The following B3GALT1 variants were observed in gnomAD, a reference collection of about 807,000 sequenced individuals.
B3GALT1 encodes the protein beta-1,3-galactosyltransferase 1.
Under a neutral mutation model 23.2 loss-of-function variants are expected in B3GALT1, and 10 were observed. The observed-to-expected ratio is 0.43, with a 90% confidence interval of 0.27 to 0.73. The LOEUF is 0.73. Ranked by LOEUF, B3GALT1 falls within the 30% of genes least tolerant of loss-of-function variation. The probability of loss-of-function intolerance (pLI) is 0.21; values close to 1 mark genes in which losing one functional copy is unlikely to be tolerated. For missense variants in B3GALT1, 299 were observed against 405.4 expected, an observed-to-expected ratio of 0.74 and a Z score of 2.25; for synonymous variants, 156 against 141.5, an observed-to-expected ratio of 1.10 and a Z score of -0.73.
intron 2 of B3GALT1, among the ~76,000 whole-genome samples, chr2:167,620,523 T>G (rs1685236598): frequency 6.6e-6 from 1 of 152,088 alleles, no homozygotes; most frequent in Non-Finnish European, 1.5e-5. Flanking sequence ...TTTGCAAATT[T>G]TATATTTATA....
intron 2 of B3GALT1, among the ~76,000 whole-genome samples, chr2:167,547,964 A>T (rs368744544): frequency 6.6e-6 from 1 of 152,208 alleles, no homozygotes; most frequent in East Asian, 1.9e-4. Flanking sequence ...TGACTCTGGG[A>T]TTCTAAACCT....
intron 2 of B3GALT1, among the ~76,000 whole-genome samples, chr2:167,490,667 C>T (rs886654315): frequency 6.6e-6 from 1 of 152,202 alleles, no homozygotes; most frequent in Non-Finnish European, 1.5e-5. Flanking sequence ...TGCTGAGCAG[C>T]TCCAGGGCTG....
chr2:167,413,784 A>AG (rs1435801621), intron 1 of B3GALT1, among the ~76,000 whole-genome samples: 1 of 151,712 alleles, frequency 6.6e-6, no homozygotes, highest in Admixed American at 6.6e-5. Flanking sequence ...CTGTTTTATT[A>AG]GGTTTTTTTC....
Position 167,674,045 on chromosome 2 carries a change from A to G in B3GALT1, c.-352+27079A>G, listed in dbSNP as rs557444017. The stretch of plus-strand genomic sequence containing the variant: ...TCATGCAAATTGTTATTTTAATTAA[A>G]TACACAACCATAGTAAATTGCAACA... On this transcript the variant is annotated intron_variant, in intron 3 of 4. Transcript: ENST00000392690. Among the ~76,000 whole-genome samples, 24 of 152,278 alleles carry G rather than the reference A, an allele frequency of 1.6e-4. No individual in the cohort carries two copies. In the South Asian group the frequency reaches 4.6e-3, roughly 29 times the overall value.
chr2:167,631,608 T>C (rs2105447521), intron 2 of B3GALT1: 1 of 151,762 alleles, frequency 6.6e-6, no homozygotes, highest in African/African-American at 2.4e-5. Context: ...ACAGATTGTT[T>C]AAATAGTCAT....
At chr2:167,345,203 A>G (rs1186560544) in intron 1 of B3GALT1, among the ~76,000 whole-genome samples, 1 of 151,878 alleles carries the variant, frequency 6.6e-6, no homozygotes, top group African/African-American at 2.4e-5. Context: ...GGATTTTTCT[A>G]TAAGTTGGCC....
At chr2:167,720,499 G>A (rs758931993) in intron 3 of B3GALT1, among the ~76,000 whole-genome samples, 5 of 152,068 alleles carry the variant, frequency 3.3e-5, no homozygotes, top group Non-Finnish European at 5.9e-5. Context: ...AAAGTAACAC[G>A]GTCACACAAC....
chr2:167,822,715 C>T (rs1445855969), intron 4 of B3GALT1, among the ~76,000 whole-genome samples: 1 of 152,150 alleles, frequency 6.6e-6, no homozygotes, highest in African/African-American at 2.4e-5. Flanking sequence ...GCCATCTCTT[C>T]CTATCAAGGA....
intron 1 of B3GALT1, among the ~76,000 whole-genome samples, chr2:167,346,655 G>A (rs914361773): frequency 5.9e-5 from 9 of 152,028 alleles, no homozygotes; most frequent in Admixed American, 2.0e-4. Context: ...TCAGTATCTT[G>A]AGGGTCCATT....
intron 3 of B3GALT1, among the ~76,000 whole-genome samples, chr2:167,703,582 G>A (rs957469595): frequency 3.3e-5 from 5 of 152,178 alleles, no homozygotes; most frequent in African/African-American, 1.2e-4. Flanking sequence ...CTGGCTACAA[G>A]TCATTTTAAG....
Position 167,714,826 on chromosome 2 carries a change from C to A in B3GALT1, c.-352+67860C>A, listed in dbSNP as rs1362545032. On this transcript the variant is annotated intron_variant, in intron 3 of 4. Coordinates refer to ENST00000392690, the MANE Select transcript of B3GALT1 (RefSeq NM_020981.4). ...TGATCTTTTCTTCCACTTTAGAAAG[C>A]TTCTCTTATTCCTCTATCTGGTAAT... The A allele has an allele frequency of 3.7e-6, 6 of 1,611,372 alleles. No homozygotes were observed. In the South Asian group the frequency reaches 6.6e-5, roughly 18 times the overall value.
intron 3 of B3GALT1, among the ~76,000 whole-genome samples, chr2:167,784,848 C>T (rs992934453): frequency 3.3e-5 from 5 of 152,228 alleles, no homozygotes; most frequent in African/African-American, 9.6e-5. Context: ...ACCCCAGTCT[C>T]ATACAATTAG....
chr2:167,785,232 C>G (rs1379992267), intron 3 of B3GALT1, among the ~76,000 whole-genome samples: 1 of 152,124 alleles, frequency 6.6e-6, no homozygotes, highest in Non-Finnish European at 1.5e-5. Flanking sequence ...AAGACTGGAT[C>G]TGAGTTAGAA....
At chr2:167,416,655 A>G (rs535171156) in intron 1 of B3GALT1, among the ~76,000 whole-genome samples, 12 of 152,300 alleles carry the variant, frequency 7.9e-5, no homozygotes, top group Non-Finnish European at 5.9e-5. Context: ...AGCAAGCAAC[A>G]TCTGCCTGGG....
At chr2:167,464,963 G>A (rs556914736) in intron 1 of B3GALT1, among the ~76,000 whole-genome samples, 34 of 152,274 alleles carry the variant, frequency 2.2e-4, no homozygotes, top group African/African-American at 8.2e-4. Flanking sequence ...GTTCTGGAAA[G>A]GGAAGGTCTT....
intron 3 of B3GALT1, among the ~76,000 whole-genome samples, chr2:167,768,737 G>A (rs751162884): frequency 3.9e-5 from 6 of 152,166 alleles, no homozygotes; most frequent in African/African-American, 7.2e-5. Context: ...AAAAACTCAC[G>A]CAGACACCTG....
intron 3 of B3GALT1, among the ~76,000 whole-genome samples, chr2:167,669,837 C>T (rs1278784991): frequency 6.6e-6 from 1 of 152,006 alleles, no homozygotes; most frequent in Non-Finnish European, 1.5e-5. Context: ...TGGGACACTG[C>T]CCAAGAAGCC....
At chr2:167,415,346 A>G (rs1026207630) in intron 1 of B3GALT1, among the ~76,000 whole-genome samples, 6 of 152,160 alleles carry the variant, frequency 3.9e-5, no homozygotes, top group African/African-American at 1.4e-4. Flanking sequence ...AATCCCCACA[A>G]GTAAGAAGGC....
intron 2 of B3GALT1, among the ~76,000 whole-genome samples, chr2:167,588,954 T>G (rs954537831): frequency 9.9e-6 from 1 of 100,954 alleles, no homozygotes; most frequent in South Asian, 2.8e-4. Context: ...TCCCTCCTTG[T>G]TTTTTAGAGG....
Sources: allele counts gnomAD v4.1 joint callset (sites outside exome capture counted in the v4.1 genomes callset), GRCh38; gene constraint gnomAD v4.1.1; transcripts MANE v1.5; gene names NCBI Gene and HGNC (gene_info 2026-07-23, HGNC 2026-07-21).